Variants in NALF1 observed in about 807,000 individuals in gnomAD.
The protein encoded by NALF1 is NALCN channel auxiliary factor 1.
Under a neutral mutation model 48.4 loss-of-function variants are expected in NALF1, and 3 were observed. That is an observed-to-expected ratio of 0.06 (90% CI 0.03 to 0.16). The LOEUF (loss-of-function observed/expected upper bound fraction) is 0.16, where lower values mean the gene tolerates loss of function less well. Among genes scored for constraint, NALF1 ranks in the 10% least tolerant of loss-of-function variants. NALF1 has a pLI of 1.00. For synonymous variants in NALF1, 262 were observed against 245.7 expected (o/e 1.07, Z -0.62); for missense variants, 526 against 571.5 (o/e 0.92, Z 0.81).
intron 1 of NALF1, among the ~76,000 whole-genome samples, chr13:107,298,526 G>A (rs1382071020): frequency 6.6e-6 from 1 of 151,674 alleles, no homozygotes; most frequent in Non-Finnish European, 1.5e-5. Flanking sequence ...CCGCCTCCCG[G>A]GTTCAAGTGA....
At chr13:107,527,277 T>G (rs916556951) in intron 1 of NALF1, among the ~76,000 whole-genome samples, 2 of 152,092 alleles carry the variant, frequency 1.3e-5, no homozygotes, top group Non-Finnish European at 2.9e-5. Context: ...CCTTGGCTCC[T>G]TTGTGATAAA....
chr13:107,299,681 CTTATTTATTTATTTATTTAT>C (rs59861743), intron 1 of NALF1, among the ~76,000 whole-genome samples: 3 of 148,256 alleles, frequency 2.0e-5, no homozygotes, highest in Non-Finnish European at 4.5e-5. Context: ...AGAACTGTTC[CTTATTTATTTATTTATTTAT>C]TTATTTATTT....
chr13:107,809,130 G>A (rs1301067756), intron 1 of NALF1, among the ~76,000 whole-genome samples: 2 of 151,886 alleles, frequency 1.3e-5, no homozygotes, highest in African/African-American at 4.8e-5. Context: ...TTTCAGATAT[G>A]GAGTTTGGGG....
intron 1 of NALF1, among the ~76,000 whole-genome samples, chr13:107,422,532 G>A (rs1007859042): frequency 2.0e-5 from 3 of 152,040 alleles, no homozygotes; most frequent in Admixed American, 6.6e-5. Context: ...GCCCAAGTAG[G>A]GTCGGTTATT....
chr13:107,631,392 T>C (rs1248465185), intron 1 of NALF1, among the ~76,000 whole-genome samples: 1 of 152,172 alleles, frequency 6.6e-6, no homozygotes, highest in Non-Finnish European at 1.5e-5. Flanking sequence ...TATAAAACTA[T>C]AATAATGAGT....
At chr13:107,827,261 A>AT (rs146827490) in intron 1 of NALF1, among the ~76,000 whole-genome samples, 2,105 of 152,332 alleles carry the variant, frequency 0.014, 34 homozygotes, top group African/African-American at 0.031. Context: ...TCTTAAGCTG[A>AT]TACTCCTTGT....
chr13:107,167,869 T>A lies in NALF1; in HGVS notation c.*2628A>T, dbSNP rs1339610817. 6.6e-6 allele frequency: 1 copy of A among 152,206 alleles called. No homozygotes were observed. The highest frequency in any genetic ancestry group is 1.9e-4 in the East Asian group (1 of 5,190). The allele number at this position is 152,206 out of a possible 1,614,324, so 9.4% of individuals were successfully genotyped here. ...AAACAAACGCTAAAACACGGGTAAGTGGAACCTTCTGATCCTCTTGTCTTT... is the reference window on the plus strand; with the variant it reads ...AAACAAACGCTAAAACACGGGTAAGAGGAACCTTCTGATCCTCTTGTCTTT... On this transcript the variant is annotated 3_prime_UTR_variant, in exon 3 of 3. Transcript: ENST00000375915.
chr13:107,169,986 TTTTTTA>T lies in NALF1; in HGVS notation c.*505_*510del, dbSNP rs1051414581. On this transcript the variant is annotated 3_prime_UTR_variant, in exon 3 of 3. Transcript: ENST00000375915. ...TTTTTGTTGTTTTCTTTTTTTTGTCTTTTTTATTTTTTATTCTTTTTTTGTTGTTGT... is the reference window on the plus strand; with the variant it reads ...TTTTTGTTGTTTTCTTTTTTTTGTCTTTTTTTATTCTTTTTTTGTTGTTGT... 2.0e-5 allele frequency: 3 copies of T among 152,676 alleles called. No homozygotes were observed. Among genetic ancestry groups the T allele is most frequent in the African/African-American group, 7.2e-5 (3 of 41,454 alleles). The allele number at this position is 152,676 out of a possible 1,614,324, so 9.5% of individuals were successfully genotyped here.
chr13:107,773,600 G>A lies in NALF1; in HGVS notation c.915+92082C>T, dbSNP rs541624797. 3.2e-3 allele frequency among the ~76,000 whole-genome samples: 489 copies of A among 151,486 alleles called. 5 individuals carry two copies. Among genetic ancestry groups the A allele is most frequent in the Non-Finnish European group, 3.0e-3 (206 of 67,898 alleles). On this transcript the variant is annotated intron_variant, in intron 1 of 2. Coordinates refer to ENST00000375915, the MANE Select transcript of NALF1 (RefSeq NM_001080396.3). ...TCTCTTATTTTTAACAACAGTATGC[G>A]TTTTTAGGCTTTGATTTCCTTATCA...
chr13:107,613,275 T>C (rs1425077204), intron 1 of NALF1, among the ~76,000 whole-genome samples: 2 of 152,226 alleles, frequency 1.3e-5, no homozygotes, highest in East Asian at 1.9e-4. Flanking sequence ...AGGCAACCAA[T>C]GTCATTCCAT....
chr13:107,183,835 G>T (rs1879116569), intron 2 of NALF1, among the ~76,000 whole-genome samples: 1 of 152,138 alleles, frequency 6.6e-6, no homozygotes, highest in Admixed American at 6.5e-5. Context: ...ACACACCAGG[G>T]CCTGTCGAGG....
chr13:107,318,152 A>C (rs1273997872), intron 1 of NALF1, among the ~76,000 whole-genome samples: 3 of 152,132 alleles, frequency 2.0e-5, no homozygotes, highest in African/African-American at 7.2e-5. Flanking sequence ...ATTTTGTTTC[A>C]TTTTATTAAA....
chr13:107,271,774 CTATATATATA>C (rs397838456), intron 1 of NALF1, among the ~76,000 whole-genome samples: 485 of 27,616 alleles, frequency 0.018, 5 homozygotes, highest in African/African-American at 0.044. Flanking sequence ...TGCTACTGGA[CTATATATATA>C]TATATATATA....
intron 1 of NALF1, among the ~76,000 whole-genome samples, chr13:107,438,502 C>A (rs1229331210): frequency 6.6e-6 from 1 of 151,918 alleles, no homozygotes; most frequent in Non-Finnish European, 1.5e-5. Flanking sequence ...ATTTGCAGAG[C>A]TGAATTTAAG....
intron 1 of NALF1, among the ~76,000 whole-genome samples, chr13:107,383,419 T>C (rs1883474720): frequency 1.3e-5 from 2 of 152,166 alleles, no homozygotes; most frequent in Non-Finnish European, 2.9e-5. Context: ...CTGATTAGAA[T>C]TTAACACAGT....
intron 1 of NALF1, among the ~76,000 whole-genome samples, chr13:107,779,608 T>C (rs1047351720): frequency 6.6e-6 from 1 of 152,196 alleles, no homozygotes; most frequent in Non-Finnish European, 1.5e-5. Context: ...CTGACAAAAG[T>C]GCGTTGATTC....
chr13:107,546,572 C>A (rs764036273), intron 1 of NALF1, among the ~76,000 whole-genome samples: 1 of 152,050 alleles, frequency 6.6e-6, no homozygotes, highest in Non-Finnish European at 1.5e-5. Flanking sequence ...AAACCTGAAC[C>A]ATTGCTAATA....
chr13:107,726,914 TG>T (rs1876171297), intron 1 of NALF1, among the ~76,000 whole-genome samples: 3 of 10,862 alleles, frequency 2.8e-4, no homozygotes, highest in African/African-American at 6.8e-4. Flanking sequence ...GGCAAATTCT[TG>T]TGTGTGTGTG....
intron 1 of NALF1, among the ~76,000 whole-genome samples, chr13:107,500,638 T>C (rs1187113782): frequency 6.6e-6 from 1 of 150,978 alleles, no homozygotes; most frequent in Non-Finnish European, 1.5e-5. Context: ...CATGCTGCTA[T>C]AAAGACACAT....
Sources: gnomAD v4.1 joint callset for allele counts (sites outside exome capture counted in the v4.1 genomes callset) on GRCh38, gnomAD v4.1.1 for gene constraint, MANE v1.5 for transcripts, NCBI Gene and HGNC (gene_info 2026-07-23, HGNC 2026-07-21) for gene names.